Variants in AUTS2 observed in about 807,000 individuals in gnomAD.
AUTS2 encodes the protein activator of transcription and developmental regulator AUTS2, also known as autism susceptibility gene 2 protein.
In AUTS2, 17 loss-of-function variants were observed where a neutral mutation model predicts 112.4. That is an observed-to-expected ratio of 0.15 (90% CI 0.10 to 0.23). AUTS2 has a LOEUF of 0.23. AUTS2 is among the 10% of genes least tolerant of loss of function. The pLI is 1.00. For missense variants in AUTS2, 1,510 were observed against 1,701.6 expected, an observed-to-expected ratio of 0.89 and a Z score of 1.98; for synonymous variants, 751 against 702.7, an observed-to-expected ratio of 1.07 and a Z score of -1.09.
intron 1 of AUTS2, among the ~76,000 whole-genome samples, chr7:69,891,843 G>A (rs1794540438): frequency 8.6e-6 from 1 of 116,434 alleles, no homozygotes; most frequent in Non-Finnish European, 1.6e-5. Context: ...ATCCAGGCTG[G>A]AGTGCAGTGA....
intron 6 of AUTS2, among the ~76,000 whole-genome samples, chr7:70,743,450 CAGAG>C: frequency 8.8e-6 from 1 of 113,082 alleles, no homozygotes; most frequent in East Asian, 2.6e-4. Flanking sequence ...GCCTGGCTGA[CAGAG>C]GGAGACTCTG....
At chr7:70,534,114 C>G (rs1228462912) in intron 5 of AUTS2, among the ~76,000 whole-genome samples, 1 of 152,204 alleles carries the variant, frequency 6.6e-6, no homozygotes, top group Non-Finnish European at 1.5e-5. Context: ...ATTGCCTTTT[C>G]TCTGCCTCCA....
chr7:70,523,986 A>G (rs544142167), intron 5 of AUTS2, among the ~76,000 whole-genome samples: 8 of 152,372 alleles, frequency 5.3e-5, no homozygotes, highest in East Asian at 1.9e-4. Flanking sequence ...TCAACTGGCT[A>G]TAAAATTTTC....
At chr7:70,053,245 T>G (rs1386762359) in intron 2 of AUTS2, among the ~76,000 whole-genome samples, 1 of 152,164 alleles carries the variant, frequency 6.6e-6, no homozygotes, top group Non-Finnish European at 1.5e-5. Flanking sequence ...GCCTTTGAGT[T>G]GGAGTGGGGA....
intron 1 of AUTS2, among the ~76,000 whole-genome samples, chr7:69,765,750 G>A (rs1788392354): frequency 1.3e-5 from 2 of 152,034 alleles, no homozygotes; most frequent in African/African-American, 4.8e-5. Context: ...GACCAGCCTG[G>A]GCAACATGGC....
chr7:69,919,474 A>G (rs1044012253), intron 2 of AUTS2, among the ~76,000 whole-genome samples: 2 of 152,216 alleles, frequency 1.3e-5, no homozygotes, highest in African/African-American at 4.8e-5. Flanking sequence ...CACTGTAGCT[A>G]ATTAGAAGGA....
intron 1 of AUTS2, among the ~76,000 whole-genome samples, chr7:69,600,713 A>C (rs1169288862): frequency 1.3e-5 from 2 of 151,580 alleles, no homozygotes; most frequent in African/African-American, 2.4e-5. Context: ...ACATAGGCAC[A>C]TGTGTGTGTG....
chr7:70,230,848 T>C (rs1032390492), intron 4 of AUTS2, among the ~76,000 whole-genome samples: 2 of 152,258 alleles, frequency 1.3e-5, no homozygotes, highest in African/African-American at 4.8e-5. Context: ...TTAAGATCAC[T>C]ATTGTTTTTG....
At chr7:70,022,859 AT>A (rs71068007) in intron 2 of AUTS2, among the ~76,000 whole-genome samples, 52 of 150,038 alleles carry the variant, frequency 3.5e-4, no homozygotes, top group South Asian at 2.6e-3. Flanking sequence ...AATTAAATTA[AT>A]TTTTTTTTTT....
chr7:70,420,859 G>T (rs982190020), intron 4 of AUTS2, among the ~76,000 whole-genome samples: 1 of 152,176 alleles, frequency 6.6e-6, no homozygotes, highest in Non-Finnish European at 1.5e-5. Flanking sequence ...CTTCACAGGT[G>T]TGTACACATA....
intron 2 of AUTS2, among the ~76,000 whole-genome samples, chr7:69,926,921 ATATC>A (rs1049295040): frequency 8.2e-5 from 12 of 146,746 alleles, no homozygotes; most frequent in African/African-American, 1.7e-4. Context: ...TATATAGTAT[ATATC>A]TATCATATCT....
intron 1 of AUTS2, among the ~76,000 whole-genome samples, chr7:69,779,551 C>T (rs1789053733): frequency 1.3e-5 from 2 of 152,024 alleles, no homozygotes; most frequent in Admixed American, 1.3e-4. Flanking sequence ...ATCATGAGGT[C>T]AGGAGTTCGA....
At chr7:70,734,125 TG>T (rs1389326916) in intron 6 of AUTS2, among the ~76,000 whole-genome samples, 2 of 151,974 alleles carry the variant, frequency 1.3e-5, no homozygotes, top group African/African-American at 4.8e-5. Flanking sequence ...GGCTTCACGT[TG>T]TACTCGTTTG....
chr7:70,119,851 A>G (rs1380611178), intron 3 of AUTS2: 1 of 152,224 alleles, frequency 6.6e-6, no homozygotes, highest in Non-Finnish European at 1.5e-5. Context: ...TTTATTTTTA[A>G]AAAACACCAT....
chr7:69,801,667 G>A (rs1474435720), intron 1 of AUTS2, among the ~76,000 whole-genome samples: 2 of 151,974 alleles, frequency 1.3e-5, no homozygotes, highest in African/African-American at 4.8e-5. Flanking sequence ...ACATGCATTT[G>A]TTCATTTATT....
chr7:70,689,680 G>A (rs966772065), intron 5 of AUTS2, among the ~76,000 whole-genome samples: 9 of 151,386 alleles, frequency 5.9e-5, no homozygotes, highest in Non-Finnish European at 1.2e-4. Context: ...GGAGGCTGAG[G>A]CAGGAGAATG....
chr7:70,003,435 TTA>T (rs1799325785), intron 2 of AUTS2, among the ~76,000 whole-genome samples: 1 of 93,752 alleles, frequency 1.1e-5, no homozygotes, highest in African/African-American at 4.3e-5. Flanking sequence ...TATGAATATG[TTA>T]TATATGAATA....
At chr7:70,052,331 T>C (rs1801793155) in intron 2 of AUTS2, among the ~76,000 whole-genome samples, 1 of 152,110 alleles carries the variant, frequency 6.6e-6, no homozygotes, top group Non-Finnish European at 1.5e-5. Flanking sequence ...TCCTAGGTAA[T>C]TGGTTCTAAT....
At chr7:70,223,415 A>G (rs890810795) in intron 4 of AUTS2, among the ~76,000 whole-genome samples, 1 of 152,142 alleles carries the variant, frequency 6.6e-6, no homozygotes, top group Non-Finnish European at 1.5e-5. Context: ...AAAAATTCCT[A>G]TTGCCTCATG....
Sources: gnomAD v4.1 joint callset for allele counts (sites outside exome capture counted in the v4.1 genomes callset) on GRCh38, gnomAD v4.1.1 for gene constraint, MANE v1.5 for transcripts, NCBI Gene and HGNC (gene_info 2026-07-23, HGNC 2026-07-21) for gene names.